The following LIPC variants were observed in gnomAD, a reference collection of about 807,000 sequenced individuals.
LIPC encodes the protein lipase C, hepatic type, also known as hepatic triacylglycerol lipase.
LIPC carries 44 observed loss-of-function variants against 50.7 expected under a neutral mutation model. That is an observed-to-expected ratio of 0.87 (90% confidence interval 0.68 to 1.11). The LOEUF (loss-of-function observed/expected upper bound fraction) is 1.11. Ranked by LOEUF, LIPC falls within the 50% of genes most tolerant of loss-of-function variation. LIPC has a pLI of 0.00. For missense variants in LIPC, 697 were observed against 648.2 expected (o/e 1.08, Z -0.82); for synonymous variants, 271 against 256.4 (o/e 1.06, Z -0.54).
chr15:58,533,498 A>G (rs2140895939), intron 1 of LIPC, among the ~76,000 whole-genome samples: 1 of 152,354 alleles, frequency 6.6e-6, no homozygotes. Context: ...TCCGATAAAT[A>G]TTTATACATA....
At chr15:58,505,463 C>G (rs1275976419) in intron 1 of LIPC, among the ~76,000 whole-genome samples, 5 of 152,198 alleles carry the variant, frequency 3.3e-5, no homozygotes, top group Non-Finnish European at 5.9e-5. Flanking sequence ...TGCTCAACAG[C>G]TGCTGTTGGT....
rs1894469327 is a variant in LIPC, at chr15:58,568,801, A to G, written c.1474A>G (p.Lys492Glu). 2 of 1,604,710 alleles carry G rather than the reference A, an allele frequency of 1.2e-6. No individual in the cohort carries two copies. The highest frequency in any genetic ancestry group is 8.5e-7 in the Non-Finnish European group (1 of 1,172,580). The change falls in exon 9 of 9, where the codon AAA becomes GAA. Residue 492 changes from lysine (K) to glutamate (E), a missense_variant. Coordinates refer to ENST00000299022, the MANE Select transcript of LIPC (RefSeq NM_000236.3). ...CTTCGTGAAATGTGAAATAAAGTCT[A>G]AAACATCAAAGCGAAAGATCAGATG... ...KIFVKCEIKS[K>E]TSKRKIR
At chr15:58,557,632 C>A (rs567681148) in intron 6 of LIPC, among the ~76,000 whole-genome samples, 8 of 152,070 alleles carry the variant, frequency 5.3e-5, no homozygotes, top group East Asian at 1.9e-4. Flanking sequence ...TGATCCGCCC[C>A]CCTCAGCCTC....
intron 1 of LIPC, among the ~76,000 whole-genome samples, chr15:58,529,092 G>A (rs1268567313): frequency 2.0e-5 from 3 of 152,168 alleles, no homozygotes; most frequent in Non-Finnish European, 4.4e-5. Flanking sequence ...TTTATGTCTG[G>A]TACAGGAATG....
chr15:58,488,390 A>G (rs1891450067), intron 1 of LIPC, among the ~76,000 whole-genome samples: 1 of 152,132 alleles, frequency 6.6e-6, no homozygotes, highest in Non-Finnish European at 1.5e-5. Context: ...TTCCTTATCT[A>G]CGCCATTCAT....
chr15:58,534,202 G>A lies in LIPC; in HGVS notation c.89-4131G>A, dbSNP rs116246738. The stretch of plus-strand genomic sequence containing the variant: ...CCTTGCTGAGTCTGTAGTGCCCAAA[G>A]AGTACCCAGGCAAAGATGCCCAGTC... On this transcript the variant is annotated intron_variant, in intron 1 of 8. Coordinates refer to ENST00000299022, the MANE Select transcript of LIPC (RefSeq NM_000236.3). 4.1e-3 allele frequency among the ~76,000 whole-genome samples: 624 copies of A among 152,312 alleles called. 13 individuals carry two copies. The highest frequency in any genetic ancestry group is 0.014 in the African/African-American group (596 of 41,554).
chr15:58,561,106 A>C, intron 7 of LIPC, 125 bp downstream of exon 7: 1 of 732,276 alleles, frequency 1.4e-6, no homozygotes, highest in Admixed American at 2.0e-5. Context: ...GCAAACCAAA[A>C]ACTATCTGAG....
intron 1 of LIPC, among the ~76,000 whole-genome samples, chr15:58,534,366 G>A (rs150146592): frequency 1.0e-3 from 158 of 152,252 alleles, no homozygotes; most frequent in African/African-American, 3.6e-3. Flanking sequence ...AGGAATAAGC[G>A]ACAGACTCTG....
In LIPC at chr15:58,545,819, G is replaced by C. The variant is rs199772942; in HGVS notation, c.652G>C (p.Asp218His). 1.9e-5 allele frequency: 31 copies of C among 1,614,064 alleles called. No individual in the cohort carries two copies. Among genetic ancestry groups the C allele is most frequent in the Non-Finnish European group, 3.4e-6 (4 of 1,180,036 alleles). ...RLSPDDANFV[D>H]AIHTFTREHM... is the part of the protein sequence containing the mutation. Reference sequence around the variant, plus strand: ...TTCTCCAGATGATGCCAATTTTGTGGATGCCATTCATACCTTTACCCGGGA... The same window carrying C: ...TTCTCCAGATGATGCCAATTTTGTGCATGCCATTCATACCTTTACCCGGGA... The change falls in exon 5 of 9, where the codon GAT (aspartate) becomes CAT (histidine). Residue 218 changes from aspartate (D) to histidine (H), a missense_variant. Asp to His is a moderately conservative substitution (Grantham distance 81). Coordinates refer to ENST00000299022, the MANE Select transcript of LIPC (RefSeq NM_000236.3).
At chr15:58,434,036 C>A (rs898902079) in intron 1 of LIPC, among the ~76,000 whole-genome samples, 91 of 152,202 alleles carry the variant, frequency 6.0e-4, no homozygotes, top group African/African-American at 2.1e-3. Context: ...CAATTTTGCC[C>A]TCCAGGGGAC....
intron 1 of LIPC, chr15:58,497,663 C>A: frequency 6.6e-6 from 1 of 152,614 alleles, no homozygotes. Context: ...ATATGCCTTT[C>A]CCAGGCTCCA....
chr15:58,547,652 C>T lies in LIPC; in HGVS notation c.809-678C>T, dbSNP rs112147431. ...AGAGTTAAAAAAAAAAAAAAAAGGT[C>T]AAATCCTTAGTAGATCAACCTCATA... On this transcript the variant is annotated intron_variant, in intron 5 of 8. Coordinates refer to ENST00000299022, the MANE Select transcript of LIPC (RefSeq NM_000236.3). 9.2e-3 allele frequency among the ~76,000 whole-genome samples: 1,355 copies of T among 146,854 alleles called. 19 individuals are homozygous for T. The highest frequency in any genetic ancestry group is 0.031 in the African/African-American group (1,227 of 39,644).
At chr15:58,471,328 T>TCG (rs1555399295) in intron 1 of LIPC, among the ~76,000 whole-genome samples, 1 of 114,182 alleles carries the variant, frequency 8.8e-6, no homozygotes, top group East Asian at 2.6e-4. Context: ...TTAGTAGAGA[T>TCG]GGGGGGGGGT....
chr15:58,516,492 G>T (rs1892493822), intron 1 of LIPC, among the ~76,000 whole-genome samples: 1 of 151,988 alleles, frequency 6.6e-6, no homozygotes, highest in African/African-American at 2.4e-5. Flanking sequence ...TTGCCCGACA[G>T]CTCCCTGATG....
intron 1 of LIPC, chr15:58,436,776 A>T (rs1368165511): frequency 4.4e-6 from 2 of 456,258 alleles, no homozygotes; most frequent in Non-Finnish European, 8.8e-6. Context: ...TTCTTGGAGG[A>T]GGCGGCATTT....
chr15:58,520,225 A>G (rs1294033222), intron 1 of LIPC, among the ~76,000 whole-genome samples: 2 of 151,832 alleles, frequency 1.3e-5, no homozygotes, highest in Non-Finnish European at 2.9e-5. Context: ...CTCAAGCAGC[A>G]AATGTTAAAA....
chr15:58,443,205 C>G (rs939168584), intron 1 of LIPC, among the ~76,000 whole-genome samples: 2 of 152,198 alleles, frequency 1.3e-5, no homozygotes, highest in Non-Finnish European at 2.9e-5. Context: ...AACCACTGTG[C>G]CTGGCCGAGA....
chr15:58,500,597 C>T, intron 1 of LIPC, among the ~76,000 whole-genome samples: 1 of 152,158 alleles, frequency 6.6e-6, no homozygotes. Context: ...AAATTATAAT[C>T]AATAAGTCCC....
chr15:58,547,972 G>C (rs1310917403), intron 5 of LIPC, among the ~76,000 whole-genome samples: 1 of 152,212 alleles, frequency 6.6e-6, no homozygotes, highest in African/African-American at 2.4e-5. Context: ...ATTTGAGATA[G>C]AAATATTTCT....
Sources: gnomAD v4.1 joint callset for allele counts (sites outside exome capture counted in the v4.1 genomes callset) on GRCh38, gnomAD v4.1.1 for gene constraint, MANE v1.5 for transcripts, NCBI Gene and HGNC (gene_info 2026-07-23, HGNC 2026-07-21) for gene names.